The following ARHGEF17 variants were observed in gnomAD, a reference collection of about 807,000 sequenced individuals.
ARHGEF17 encodes 164 kDa Rho-specific guanine-nucleotide exchange factor.
ARHGEF17 carries 80 observed loss-of-function variants against 174.0 expected under a neutral mutation model. The observed-to-expected ratio is 0.46, with a 90% CI of 0.38 to 0.55. The LOEUF (loss-of-function observed/expected upper bound fraction) is 0.55, where lower values mean the gene tolerates loss of function less well. Ranked by LOEUF, ARHGEF17 falls within the 20% of genes least tolerant of loss-of-function variation. ARHGEF17 has a pLI of 0.00. For synonymous variants in ARHGEF17, 1,311 were observed against 1,189.1 expected, an observed-to-expected ratio of 1.10 and a Z score of -2.11; for missense variants, 2,886 against 2,839.7, an observed-to-expected ratio of 1.02 and a Z score of -0.37.
chr11:73,338,010 T>C (rs925896852), intron 1 of ARHGEF17, among the ~76,000 whole-genome samples: 1 of 152,218 alleles, frequency 6.6e-6, no homozygotes, highest in African/African-American at 2.4e-5. Flanking sequence ...CCCAGAATTA[T>C]GGAGCCCACC....
chr11:73,352,299 G>C (rs1320639000), intron 2 of ARHGEF17, among the ~76,000 whole-genome samples: 2 of 152,194 alleles, frequency 1.3e-5, no homozygotes, highest in African/African-American at 2.4e-5. Context: ...ACTCCAGCCT[G>C]GGTGACAGAG....
chr11:73,309,808 C>A lies in ARHGEF17; in HGVS notation c.1170C>A (p.Ser390Arg), dbSNP rs201956060. Residue 390 changes from serine (S) to arginine (R), a missense_variant, in exon 1 of 21, where the codon AGC becomes AGA. This residue lies in a region of ARHGEF17 where 1,728 missense variants were observed against 1,461.2 expected (regional missense o/e 1.18). Transcript: ENST00000263674. ...YLASPAGSRG[S>R]SRYSSTETLK... ...CCAGCCCCGCAGGCTCCCGCGGTAG[C>A]AGCCGTTATTCCAGCACGGAGACCC... 6.5e-4 allele frequency: 1,052 copies of A among 1,613,012 alleles called. 2 individuals carry two copies. The highest frequency in any genetic ancestry group is 8.7e-4 in the Non-Finnish European group (1,024 of 1,180,020).
chr11:73,353,749 G>A (rs1865593339), intron 3 of ARHGEF17, among the ~76,000 whole-genome samples: 1 of 152,212 alleles, frequency 6.6e-6, no homozygotes. Context: ...ACAATAGCGA[G>A]TGAGATCTTA....
intron 1 of ARHGEF17, among the ~76,000 whole-genome samples, chr11:73,322,076 C>G (rs561673509): frequency 6.6e-6 from 1 of 152,320 alleles, no homozygotes; most frequent in Admixed American, 6.5e-5. Context: ...AACATTCAGT[C>G]CTTTCCCAGG....
chr11:73,361,240 G>A (rs1054895873), intron 12 of ARHGEF17, 79 bp downstream of exon 12: 2 of 1,322,848 alleles, frequency 1.5e-6, no homozygotes, highest in African/African-American at 2.9e-5. Flanking sequence ...ACGACATTGT[G>A]TATATGCCGT....
intron 14 of ARHGEF17, 45 bp downstream of exon 14, chr11:73,362,779 T>G (rs1591763083): frequency 1.3e-6 from 2 of 1,571,878 alleles, no homozygotes; most frequent in Middle Eastern, 1.7e-4. Flanking sequence ...GCAGGCAGGG[T>G]GGACTGCCCA....
rs990686337 is a variant in ARHGEF17, at chr11:73,367,467, C to T, written c.5996-117C>T. On this transcript the variant is annotated intron_variant, in intron 20 of 20. Coordinates refer to ENST00000263674, the MANE Select transcript of ARHGEF17 (RefSeq NM_014786.4). ...TAGCTAACAGAAAGTGGGATTCCCCCATAGGAAGTGTGCACATCTTCCTTC... is the reference window on the plus strand; with the variant it reads ...TAGCTAACAGAAAGTGGGATTCCCCTATAGGAAGTGTGCACATCTTCCTTC... 4 of 852,318 alleles carry T rather than the reference C, an allele frequency of 4.7e-6. No homozygotes were observed. The African/African-American group carries it at 6.8e-5, about 14-fold the overall frequency. The allele number at this position is 852,318 out of a possible 1,614,324, so 52.8% of individuals were successfully genotyped here.
Position 73,367,664 on chromosome 11 carries a change from G to A in ARHGEF17, c.6076G>A (p.Val2026Ile). The change falls in exon 21 of 21, where the codon GTT becomes ATT. Residue 2026 changes from valine to isoleucine, a missense_variant. By Grantham distance (29) the Val-to-Ile change is conservative. This residue lies in a region of ARHGEF17 where 329 missense variants were observed against 435.2 expected (regional missense o/e 0.76). Transcript: ENST00000263674. ...GPAPARPKML[V>I]ISGGDGYEDF... ...CGCCCCTGCCAGGCCTAAAATGCTG[G>A]TTATCAGTGGAGGTGATGGCTATGA... is the stretch of plus-strand genomic sequence containing the variant. 6.2e-7 allele frequency: 1 copy of A among 1,614,106 alleles called. No individual in the cohort carries two copies. Among genetic ancestry groups the A allele is most frequent in the Admixed American group, 1.7e-5 (1 of 60,026 alleles).
intron 1 of ARHGEF17, among the ~76,000 whole-genome samples, chr11:73,320,553 C>T (rs1352994261): frequency 1.5e-5 from 2 of 133,322 alleles, no homozygotes; most frequent in African/African-American, 2.9e-5. Context: ...CCCTGGGAGG[C>T]GGAGGTTGCA....
intron 1 of ARHGEF17, among the ~76,000 whole-genome samples, chr11:73,334,597 C>T (rs781029154): frequency 1.1e-4 from 16 of 152,164 alleles, no homozygotes; most frequent in East Asian, 1.9e-4. Flanking sequence ...TATCTTCAGC[C>T]GAGGCAGGCT....
Position 73,310,725 on chromosome 11 carries a change from C to T in ARHGEF17, c.2087C>T (p.Ser696Leu), listed in dbSNP as rs1018751527. 18 of 1,612,038 alleles carry T rather than the reference C, an allele frequency of 1.1e-5. No individual in the cohort carries two copies. The highest frequency in any genetic ancestry group is 2.2e-5 in the East Asian group (1 of 44,850). Reference protein sequence around the residue: ...EDSLGGWALVSPETPPTPGAL... With the variant: ...EDSLGGWALVLPETPPTPGAL... ...AGTCTGGGCGGGTGGGCCCTGGTGT[C>T]GCCTGAGACCCCTCCCACACCAGGT... The change falls in exon 1 of 21, where the codon TCG becomes TTG. Residue 696 changes from serine to leucine, a missense_variant. Physicochemically the swap from Ser to Leu is moderately radical, Grantham distance 145 (BLOSUM62 -2). Transcript: ENST00000263674.
intron 16 of ARHGEF17, 85 bp from the exon 17 acceptor site, chr11:73,364,087 C>A: frequency 7.2e-7 from 1 of 1,394,576 alleles, no homozygotes; most frequent in Non-Finnish European, 1.0e-6. Flanking sequence ...GGAGCCATAC[C>A]CATTCTATCT....
intron 3 of ARHGEF17, among the ~76,000 whole-genome samples, chr11:73,354,103 G>A (rs1315990864): frequency 1.3e-5 from 2 of 152,210 alleles, no homozygotes; most frequent in Non-Finnish European, 2.9e-5. Context: ...TTGCTATGCT[G>A]TGGGGTGGGG....
At chr11:73,320,083 A>AACTCCCTC (rs60452567) in intron 1 of ARHGEF17, among the ~76,000 whole-genome samples, 46,556 of 151,802 alleles carry the variant, frequency 0.31, 9,370 homozygotes, top group African/African-American at 0.58. Context: ...GAAGGAAAGA[A>AACTCCCTC]ACCCCATGTT....
At chr11:73,364,755 C>T (rs1417263302) in intron 18 of ARHGEF17, 155 bp downstream of exon 18, 2 of 897,054 alleles carry the variant, frequency 2.2e-6, no homozygotes, top group South Asian at 4.1e-5. Flanking sequence ...CCCTGTCCTC[C>T]TTCGATCCTC....
In ARHGEF17 at chr11:73,363,739, A is replaced by G. The variant is rs974315077; in HGVS notation, c.5247-8A>G. 6.2e-7 allele frequency: 1 copy of G among 1,613,868 alleles called. No individual in the cohort carries two copies. ...GCATTTGTCCCAGGTGCATACCCCG[A>G]TCCACAGTGTCCACGTGTACCAGTC... On this transcript the variant is annotated splice_region_variant and splice_polypyrimidine_tract_variant and intron_variant, in intron 15 of 20. Coordinates refer to ENST00000263674, the MANE Select transcript of ARHGEF17 (RefSeq NM_014786.4).
chr11:73,312,073 A>T (rs1864848308), intron 1 of ARHGEF17, among the ~76,000 whole-genome samples: 2 of 152,024 alleles, frequency 1.3e-5, no homozygotes, highest in South Asian at 4.2e-4. Context: ...TGTCTGCTCC[A>T]GGTGTTCTGG....
rs1206516748 is a variant in ARHGEF17, at chr11:73,357,255, A to G, written c.4015A>G (p.Ser1339Gly). 1.2e-6 allele frequency: 2 copies of G among 1,613,840 alleles called. No homozygotes were observed. The highest frequency in any genetic ancestry group is 1.3e-5 in the African/African-American group (1 of 74,952). The change falls in exon 9 of 21, where the codon AGT (serine) becomes GGT (glycine). Residue 1339 changes from serine (S) to glycine (G), a missense_variant. Physicochemically the swap from Ser to Gly is moderately conservative, Grantham distance 56. Around this residue, in one of 4 missense-constraint regions of ARHGEF17, gnomAD observed 353 missense variants for 470.3 expected, o/e 0.75. Transcript: ENST00000263674. Reference sequence around the variant, plus strand: ...GGCTCCCCACAGGTACACGGCAGCCAGTGTCATTGACACAGCCAGCAAGTA... The same window carrying G: ...GGCTCCCCACAGGTACACGGCAGCCGGTGTCATTGACACAGCCAGCAAGTA... ...RSSMSLYTAASVIDTASKYKM... is the reference protein window; with the variant it reads ...RSSMSLYTAAGVIDTASKYKM...
intron 1 of ARHGEF17, among the ~76,000 whole-genome samples, chr11:73,317,655 A>G (rs1223998609): frequency 6.6e-6 from 1 of 152,216 alleles, no homozygotes; most frequent in Non-Finnish European, 1.5e-5. Flanking sequence ...CCTGGGAAGC[A>G]GGAGCCTATT....
Sources: allele counts gnomAD v4.1 joint callset (sites outside exome capture counted in the v4.1 genomes callset), GRCh38; gene constraint gnomAD v4.1.1; regional missense constraint gnomAD v4.1.1; transcripts MANE v1.5; gene names NCBI Gene and HGNC (gene_info 2026-07-23, HGNC 2026-07-21).